The following SLC22A14 variants were observed in gnomAD, a reference collection of about 807,000 sequenced individuals.
The protein encoded by SLC22A14 is organic cation transporter-like 4.
A neutral mutation model predicts 53.9 loss-of-function variants in SLC22A14; 50 were observed. The ratio of observed to expected loss-of-function variants is 0.93; its 90% CI spans 0.74 to 1.17. The LOEUF is 1.17. SLC22A14 is among the 50% of genes most tolerant of loss of function. SLC22A14 has a pLI of 0.00. For missense variants in SLC22A14, 671 were observed against 734.7 expected, an observed-to-expected ratio of 0.91 and a Z score of 1.00; for synonymous variants, 312 against 303.0, an observed-to-expected ratio of 1.03 and a Z score of -0.31.
intron 7 of SLC22A14, 99 bp downstream of exon 7, chr3:38,313,584 C>T (rs1704534021): frequency 9.8e-7 from 1 of 1,018,196 alleles, no homozygotes; most frequent in Non-Finnish European, 1.5e-6. Flanking sequence ...GGGAGGCAGC[C>T]CAAGGACACA....
At chr3:38,280,631 C>CTT (rs35898444), upstream of SLC22A14, among the ~76,000 whole-genome samples, 288 of 143,350 alleles carry the variant, frequency 2.0e-3, 4 homozygotes, top group Middle Eastern at 0.011. Context: ...GTTCTGGGAT[C>CTT]TTTTTTTTTT....
At chr3:38,315,736 G>A (rs1195985067) in intron 9 of SLC22A14, 25 bp downstream of exon 9, 1 of 1,604,258 alleles carries the variant, frequency 6.2e-7, no homozygotes, top group Non-Finnish European at 8.5e-7. Flanking sequence ...GGGCGAGGGG[G>A]CCATGGGGAC....
At position 38,313,729 on chromosome 3, in the gene SLC22A14, T is replaced by G; in HGVS notation, c.1166T>G (p.Phe389Cys). The change falls in exon 8 of 11, where the codon TTT (phenylalanine) becomes TGT (cysteine). Residue 389 changes from phenylalanine (F) to cysteine (C), a missense_variant and splice_region_variant. Physicochemically the swap from Phe to Cys is radical, Grantham distance 205 (BLOSUM62 -2). Transcript: ENST00000448498. Reference protein sequence around the residue: ...KVTLVMSCVWFTVSYTYFTLS... With the variant: ...KVTLVMSCVWCTVSYTYFTLS... The stretch of plus-strand genomic sequence containing the variant: ...ACTTGCCTCCTGGCTTCATCCAGGT[T>G]TACCGTCAGTTACACCTATTTTACG... 4 of 1,584,690 alleles carry G rather than the reference T, an allele frequency of 2.5e-6. No individual in the cohort carries two copies. Among genetic ancestry groups the G allele is most frequent in the Non-Finnish European group, 3.4e-6 (4 of 1,165,516 alleles).
intron 1 of SLC22A14, among the ~76,000 whole-genome samples, chr3:38,295,231 G>A (rs1704003457): frequency 6.6e-6 from 1 of 152,196 alleles, no homozygotes; most frequent in Non-Finnish European, 1.5e-5. Context: ...CTGGGTTAAG[G>A]GAATTATCAG....
chr3:38,298,319 T>G (rs1704083852), intron 1 of SLC22A14, among the ~76,000 whole-genome samples: 1 of 152,230 alleles, frequency 6.6e-6, no homozygotes, highest in Non-Finnish European at 1.5e-5. Flanking sequence ...CTGGTTCTTT[T>G]ATTTAGGAAC....
intron 1 of SLC22A14, among the ~76,000 whole-genome samples, chr3:38,286,129 C>T (rs1028594025): frequency 6.6e-6 from 1 of 152,130 alleles, no homozygotes; most frequent in Non-Finnish European, 1.5e-5. Flanking sequence ...GTAATCCCAG[C>T]TACTTGGGAG....
chr3:38,286,620 A>G (rs185908004), intron 1 of SLC22A14, among the ~76,000 whole-genome samples: 1 of 151,816 alleles, frequency 6.6e-6, no homozygotes. Flanking sequence ...CATGTTGGCC[A>G]GTCTGGTGTC....
chr3:38,281,290 T>G (rs1703663331), upstream of SLC22A14, among the ~76,000 whole-genome samples: 1 of 152,218 alleles, frequency 6.6e-6, no homozygotes. Flanking sequence ...TTTTTTCAAA[T>G]ATATGAAATT....
At chr3:38,311,351 T>A (rs1390897441) in intron 5 of SLC22A14, among the ~76,000 whole-genome samples, 1 of 152,234 alleles carries the variant, frequency 6.6e-6, no homozygotes, top group East Asian at 1.9e-4. Context: ...ATTCTTTTAG[T>A]GTCCTCAAGG....
At chr3:38,300,424 A>G (rs964014422) in intron 1 of SLC22A14, among the ~76,000 whole-genome samples, 2 of 152,184 alleles carry the variant, frequency 1.3e-5, no homozygotes, top group Non-Finnish European at 2.9e-5. Flanking sequence ...TGGGGGACAC[A>G]GTGAGACTTC....
chr3:38,288,842 GT>G (rs1466729913), intron 1 of SLC22A14, among the ~76,000 whole-genome samples: 2 of 151,894 alleles, frequency 1.3e-5, no homozygotes, highest in Non-Finnish European at 2.9e-5. Flanking sequence ...AAAGTTTCCC[GT>G]TTTTAAAAAT....
intron 5 of SLC22A14, among the ~76,000 whole-genome samples, chr3:38,311,315 A>G (rs558476046): frequency 3.9e-5 from 6 of 152,238 alleles, no homozygotes; most frequent in African/African-American, 1.2e-4. Context: ...GGCAGTACCA[A>G]TGATCTCTAA....
At chr3:38,315,860 G>A (rs1704605275) in intron 9 of SLC22A14, 149 bp downstream of exon 9, 2 of 842,270 alleles carry the variant, frequency 2.4e-6, no homozygotes, top group Non-Finnish European at 3.7e-6. Flanking sequence ...AACACCACCA[G>A]AAAATCCCCC....
intron 1 of SLC22A14, among the ~76,000 whole-genome samples, chr3:38,288,404 A>G (rs1256830322): frequency 6.6e-6 from 1 of 152,118 alleles, no homozygotes; most frequent in African/African-American, 2.4e-5. Context: ...TGGGTGTACA[A>G]ATCTGTTTGA....
intron 1 of SLC22A14, among the ~76,000 whole-genome samples, chr3:38,296,840 A>T (rs1286370456): frequency 6.6e-6 from 1 of 152,186 alleles, no homozygotes; most frequent in African/African-American, 2.4e-5. Flanking sequence ...CCTAATCCAG[A>T]GCAGCAATGG....
At chr3:38,280,948 T>TAACCAAAACA (rs1703656040), upstream of SLC22A14, among the ~76,000 whole-genome samples, 2 of 152,210 alleles carry the variant, frequency 1.3e-5, no homozygotes, top group African/African-American at 4.8e-5. Flanking sequence ...GGATCTTATG[T>TAACCAAAACA]AACCAAAACA....
intron 8 of SLC22A14, 78 bp downstream of exon 8, chr3:38,314,019 G>T (rs577582061): frequency 1.6e-6 from 2 of 1,224,830 alleles, no homozygotes; most frequent in South Asian, 2.5e-5. Flanking sequence ...CGCCTGCCAC[G>T]GCCGGCCACC....
At position 38,318,215 on chromosome 3, in the gene SLC22A14, T is replaced by C. The variant is rs1178717129; in HGVS notation, c.1751T>C (p.Met584Thr). ...TCTTTCAGGAATAAGGTCAAGGACATGAAGACTAAGGAAACATCATCTGAT... is the reference window on the plus strand; with the variant it reads ...TCTTTCAGGAATAAGGTCAAGGACACGAAGACTAAGGAAACATCATCTGAT... ...SSQIRNKVKD[M>T]KTKETSSDDV Residue 584 changes from methionine (M) to threonine (T), a missense_variant, in exon 11 of 11, where the codon ATG (methionine) becomes ACG (threonine). By Grantham distance (81) the Met-to-Thr change is moderately conservative. Transcript: ENST00000448498. 9.9e-6 allele frequency: 16 copies of C among 1,614,042 alleles called. No individual in the cohort carries two copies. The highest frequency in any genetic ancestry group is 1.4e-5 in the Non-Finnish European group (16 of 1,179,896).
At chr3:38,299,365 C>T (rs1039191518) in intron 1 of SLC22A14, among the ~76,000 whole-genome samples, 5 of 152,166 alleles carry the variant, frequency 3.3e-5, no homozygotes, top group African/African-American at 1.2e-4. Flanking sequence ...TAATTAGTCT[C>T]ATTAGTTTGT....
Sources: gnomAD v4.1 joint callset for allele counts (sites outside exome capture counted in the v4.1 genomes callset) on GRCh38, gnomAD v4.1.1 for gene constraint, MANE v1.5 for transcripts, NCBI Gene and HGNC (gene_info 2026-07-23, HGNC 2026-07-21) for gene names.